Variants in FRMD4A observed in about 807,000 individuals in gnomAD.
The protein encoded by FRMD4A is FERM domain containing 4A.
FRMD4A carries 29 observed loss-of-function variants against 129.1 expected under a neutral mutation model. The ratio of observed to expected loss-of-function variants is 0.22; its 90% CI spans 0.17 to 0.31. The LOEUF (loss-of-function observed/expected upper bound fraction) is 0.31, where lower values mean the gene tolerates loss of function less well. Ranked by LOEUF, FRMD4A falls within the 10% of genes least tolerant of loss-of-function variation. The pLI is 1.00. For synonymous variants in FRMD4A, 634 were observed against 571.6 expected, an observed-to-expected ratio of 1.11 and a Z score of -1.56; for missense variants, 1,272 against 1,375.8, an observed-to-expected ratio of 0.92 and a Z score of 1.19.
chr10:14,252,807 A>G (rs763513504), intron 2 of FRMD4A, among the ~76,000 whole-genome samples: 20 of 152,266 alleles, frequency 1.3e-4, no homozygotes, highest in African/African-American at 4.6e-4. Context: ...TTGATCCACT[A>G]TGTTAGAACC....
At chr10:14,266,499 CTGTGTGTGTG>C (rs56663050) in intron 2 of FRMD4A, among the ~76,000 whole-genome samples, 3 of 150,436 alleles carry the variant, frequency 2.0e-5, no homozygotes, top group Admixed American at 1.3e-4. Flanking sequence ...ATGTTGTGCT[CTGTGTGTGTG>C]TGTGTGTGTG....
intron 2 of FRMD4A, among the ~76,000 whole-genome samples, chr10:14,153,958 C>G (rs1190765229): frequency 2.0e-5 from 3 of 152,156 alleles, no homozygotes; most frequent in African/African-American, 4.8e-5. Flanking sequence ...AACCTCCTTT[C>G]CTGGCTGTGT....
At chr10:14,288,315 G>T (rs1261408715) in intron 2 of FRMD4A, among the ~76,000 whole-genome samples, 1 of 152,168 alleles carries the variant, frequency 6.6e-6, no homozygotes, top group East Asian at 1.9e-4. Context: ...GATATGGTTT[G>T]CCTGGAGCTG....
chr10:13,765,119 T>TA (rs1564763319), intron 6 of FRMD4A, among the ~76,000 whole-genome samples: 1 of 148,070 alleles, frequency 6.8e-6, no homozygotes, highest in Non-Finnish European at 1.5e-5. Flanking sequence ...TTTTTGTTTT[T>TA]TTTTTTTTTT....
intron 2 of FRMD4A, among the ~76,000 whole-genome samples, chr10:14,132,874 T>G (rs1489756613): frequency 2.6e-5 from 4 of 152,170 alleles, no homozygotes; most frequent in African/African-American, 9.7e-5. Context: ...CCCAGGGTGA[T>G]CTACTCAATG....
chr10:13,829,358 C>G (rs2093754220), intron 3 of FRMD4A, among the ~76,000 whole-genome samples: 1 of 152,084 alleles, frequency 6.6e-6, no homozygotes, highest in Non-Finnish European at 1.5e-5. Flanking sequence ...GACCCCATCT[C>G]CACAAAAAAT....
chr10:14,053,202 G>A (rs1565214388), intron 2 of FRMD4A, among the ~76,000 whole-genome samples: 1 of 152,162 alleles, frequency 6.6e-6, no homozygotes, highest in Non-Finnish European at 1.5e-5. Context: ...ATAACTGTGA[G>A]GAAAAGAGGT....
At chr10:14,108,921 A>G (rs898944559) in intron 2 of FRMD4A, among the ~76,000 whole-genome samples, 1 of 152,194 alleles carries the variant, frequency 6.6e-6, no homozygotes, top group African/African-American at 2.4e-5. Context: ...GGCTGCCATG[A>G]GACCTTCCCA....
rs1361009187 is a variant in FRMD4A, at chr10:14,330,878, A to G, written c.-363T>C. ...ATGGAATTGCACTGCCTGTTCTGTG[A>G]GCGTTCTGATCTCCCTGGCTGTACC... On this transcript the variant is annotated 5_prime_UTR_variant, in exon 1 of 25. Coordinates refer to ENST00000357447, the MANE Select transcript of FRMD4A (RefSeq NM_018027.5). 5.0e-6 allele frequency: 2 copies of G among 398,516 alleles called. No individual in the cohort carries two copies. The highest frequency in any genetic ancestry group is 8.8e-6 in the Non-Finnish European group (2 of 226,122). 24.7% of individuals were successfully genotyped at this position (398,516 alleles called of 1,614,324 possible).
intron 2 of FRMD4A, among the ~76,000 whole-genome samples, chr10:14,076,606 C>A (rs1276934738): frequency 6.6e-6 from 1 of 151,816 alleles, no homozygotes; most frequent in Non-Finnish European, 1.5e-5. Flanking sequence ...CGCCACTGCA[C>A]TCCAGCCTGG....
chr10:13,898,475 T>A (rs1400057933), intron 2 of FRMD4A, among the ~76,000 whole-genome samples: 1 of 152,156 alleles, frequency 6.6e-6, no homozygotes, highest in Non-Finnish European at 1.5e-5. Flanking sequence ...TCCCAATGAA[T>A]GAGGATGTAG....
At chr10:14,269,249 T>C (rs1845079218) in intron 2 of FRMD4A, among the ~76,000 whole-genome samples, 1 of 152,208 alleles carries the variant, frequency 6.6e-6, no homozygotes, top group South Asian at 2.1e-4. Flanking sequence ...GTTAGTTGTA[T>C]TTGAAACTGG....
rs1028013227 is a variant in FRMD4A at position 13,645,839 on chromosome 10, C to T, written c.*1199G>A. The T allele has an allele frequency of 5.2e-5, 8 of 152,618 alleles. No individual in the cohort carries two copies. Among genetic ancestry groups the T allele is most frequent in the East Asian group, 1.9e-4 (1 of 5,190 alleles). The allele number at this position is 152,618 out of a possible 1,614,324, so 9.5% of individuals were successfully genotyped here. A position where few individuals can be genotyped will look rare whatever the true frequency, so the allele number is the denominator to read the frequency against. On this transcript the variant is annotated 3_prime_UTR_variant, in exon 25 of 25. Transcript: ENST00000357447. ...CACGACAGTTAAACACTGAATGGAT[C>T]GCAATGTGCTTTTCCCTTGGTTTCC...
chr10:14,255,201 A>G (rs564825351), intron 2 of FRMD4A, among the ~76,000 whole-genome samples: 2 of 152,344 alleles, frequency 1.3e-5, no homozygotes, highest in East Asian at 3.9e-4. Context: ...TAAAAGGTGA[A>G]AGAAAAATCA....
chr10:13,998,780 A>G (rs2095631843), intron 2 of FRMD4A, among the ~76,000 whole-genome samples: 2 of 152,222 alleles, frequency 1.3e-5, no homozygotes, highest in Non-Finnish European at 2.9e-5. Flanking sequence ...GCTGGCCTAA[A>G]TCATCATCAT....
At chr10:14,313,546 G>C (rs922217647) in intron 2 of FRMD4A, among the ~76,000 whole-genome samples, 18 of 152,148 alleles carry the variant, frequency 1.2e-4, no homozygotes, top group Admixed American at 2.6e-4. Context: ...GCTTACGAAA[G>C]AGACAATGTT....
intron 3 of FRMD4A, among the ~76,000 whole-genome samples, chr10:13,856,639 G>A (rs543645889): frequency 3.8e-4 from 58 of 152,222 alleles, no homozygotes; most frequent in African/African-American, 1.3e-3. Flanking sequence ...GGTGTGGGAA[G>A]GAGCGTGTTC....
chr10:14,214,278 G>A (rs1479940500), intron 2 of FRMD4A, among the ~76,000 whole-genome samples: 1 of 152,170 alleles, frequency 6.6e-6, no homozygotes, highest in African/African-American at 2.4e-5. Flanking sequence ...ACTCTACCTG[G>A]AGGCCCTGAA....
chr10:14,127,043 C>T (rs993833878), intron 2 of FRMD4A, among the ~76,000 whole-genome samples: 1 of 152,144 alleles, frequency 6.6e-6, no homozygotes, highest in Non-Finnish European at 1.5e-5. Flanking sequence ...GGAGGGCTGA[C>T]ATTAACTGCA....
Sources: allele counts gnomAD v4.1 joint callset (sites outside exome capture counted in the v4.1 genomes callset), GRCh38; gene constraint gnomAD v4.1.1; transcripts MANE v1.5; gene names NCBI Gene and HGNC (gene_info 2026-07-23, HGNC 2026-07-21).